The following SOX6 variants were observed in gnomAD, a reference collection of about 807,000 sequenced individuals.
SOX6 encodes SRY-box transcription factor 6, also known as transcription factor SOX-6.
In SOX6, 11 loss-of-function variants were observed where a neutral mutation model predicts 97.8. The observed-to-expected ratio is 0.11, with a 90% CI of 0.07 to 0.19. SOX6 has a LOEUF of 0.19. Among genes scored for constraint, SOX6 ranks in the 10% least tolerant of loss-of-function variants. The pLI, the probability that SOX6 is intolerant of heterozygous loss-of-function variation, is 1.00. For synonymous variants in SOX6, 360 were observed against 371.4 expected, an observed-to-expected ratio of 0.97 and a Z score of 0.35; for missense variants, 810 against 1,039.5, an observed-to-expected ratio of 0.78 and a Z score of 3.04.
At chr11:16,569,084 C>G (rs1344861897) in intron 4 of SOX6, among the ~76,000 whole-genome samples, 1 of 152,178 alleles carries the variant, frequency 6.6e-6, no homozygotes, top group Non-Finnish European at 1.5e-5. Context: ...TTATCTTTCG[C>G]ATCTTGAGTT....
At chr11:16,644,304 T>G (rs1309247966) in intron 3 of SOX6, among the ~76,000 whole-genome samples, 5 of 152,172 alleles carry the variant, frequency 3.3e-5, no homozygotes, top group Non-Finnish European at 7.4e-5. Context: ...CCTCTCAAAG[T>G]GCTGGGATTA....
chr11:16,200,719 C>T (rs1851911835), intron 4 of SOX6, among the ~76,000 whole-genome samples: 1 of 152,126 alleles, frequency 6.6e-6, no homozygotes, highest in Admixed American at 6.5e-5. Flanking sequence ...ATAAAATCTT[C>T]TAAATTACTT....
chr11:16,295,518 T>C (rs1855051110), intron 3 of SOX6, among the ~76,000 whole-genome samples: 1 of 152,022 alleles, frequency 6.6e-6, no homozygotes, highest in Non-Finnish European at 1.5e-5. Context: ...GATATAGTAA[T>C]GGAGGTATAA....
At chr11:16,236,077 T>C (rs1194071145) in intron 3 of SOX6, among the ~76,000 whole-genome samples, 1 of 152,038 alleles carries the variant, frequency 6.6e-6, no homozygotes, top group Non-Finnish European at 1.5e-5. Flanking sequence ...ATTCCCTTAC[T>C]TCTTCCCTCC....
At chr11:16,206,107 C>T (rs1188949365) in intron 4 of SOX6, among the ~76,000 whole-genome samples, 1 of 151,618 alleles carries the variant, frequency 6.6e-6, no homozygotes, top group Non-Finnish European at 1.5e-5. Context: ...TATATACACA[C>T]ATATACACAT....
At chr11:16,510,611 T>C (rs755389774) in intron 4 of SOX6, among the ~76,000 whole-genome samples, 1 of 152,138 alleles carries the variant, frequency 6.6e-6, no homozygotes, top group African/African-American at 2.4e-5. Context: ...GTATAGTATA[T>C]CAATTTACTT....
chr11:16,649,466 T>C (rs1849061516), intron 3 of SOX6, among the ~76,000 whole-genome samples: 1 of 152,166 alleles, frequency 6.6e-6, no homozygotes, highest in South Asian at 2.1e-4. Context: ...GGTCCCACAT[T>C]TAGCCTCCTG....
chr11:16,541,736 G>T (rs1308814291), intron 4 of SOX6, among the ~76,000 whole-genome samples: 1 of 152,202 alleles, frequency 6.6e-6, no homozygotes, highest in Admixed American at 6.6e-5. Flanking sequence ...CTGGTTATCA[G>T]AGAAATACAA....
At chr11:16,588,487 C>T (rs768843949) in intron 4 of SOX6, among the ~76,000 whole-genome samples, 1 of 152,158 alleles carries the variant, frequency 6.6e-6, no homozygotes, top group South Asian at 2.1e-4. Flanking sequence ...CTAAGTGCTG[C>T]CTTACTGTCC....
At chr11:16,125,184 T>C (rs780842773) in intron 6 of SOX6, among the ~76,000 whole-genome samples, 16 of 151,842 alleles carry the variant, frequency 1.1e-4, no homozygotes, top group Non-Finnish European at 1.3e-4. Context: ...GGGAGAAGAG[T>C]CTAGGATATT....
At chr11:16,457,804 T>C (rs984184977) in intron 1 of SOX6, among the ~76,000 whole-genome samples, 1 of 152,036 alleles carries the variant, frequency 6.6e-6, no homozygotes, top group African/African-American at 2.4e-5. Flanking sequence ...GCAGTTTGTT[T>C]AAAAGCCCTT....
intron 13 of SOX6, among the ~76,000 whole-genome samples, chr11:16,013,509 G>T (rs979196746): frequency 6.6e-6 from 1 of 151,836 alleles, no homozygotes; most frequent in African/African-American, 2.4e-5. Context: ...GAAAATAATG[G>T]GCTGTTGATA....
chr11:16,328,450 G>A (rs986442728), intron 2 of SOX6, among the ~76,000 whole-genome samples: 18 of 152,120 alleles, frequency 1.2e-4, no homozygotes, highest in Non-Finnish European at 2.2e-4. Flanking sequence ...CCATGTTAGT[G>A]ATCAATCTTC....
chr11:16,026,711 T>A (rs1855225169), intron 12 of SOX6, among the ~76,000 whole-genome samples: 1 of 152,162 alleles, frequency 6.6e-6, no homozygotes, highest in Admixed American at 6.5e-5. Flanking sequence ...TCAAATGATG[T>A]CACAAATGAG....
At chr11:16,354,069 T>G (rs766544843) in intron 1 of SOX6, among the ~76,000 whole-genome samples, 8 of 152,036 alleles carry the variant, frequency 5.3e-5, no homozygotes, top group Non-Finnish European at 1.0e-4. Flanking sequence ...GAAGGAAAAG[T>G]ACAGTATAAT....
At chr11:16,674,189 CAA>C (rs61516612) in intron 3 of SOX6, among the ~76,000 whole-genome samples, 26 of 76,318 alleles carry the variant, frequency 3.4e-4, no homozygotes, top group Middle Eastern at 0.011. Flanking sequence ...GACTCCATCT[CAA>C]AAAAAAAAAA....
At chr11:16,136,480 C>T (rs576439791) in intron 6 of SOX6, among the ~76,000 whole-genome samples, 21 of 151,686 alleles carry the variant, frequency 1.4e-4, no homozygotes, top group Middle Eastern at 3.4e-3. Context: ...AGCTCACTGC[C>T]ACCTCAAACT....
At chr11:16,258,427 T>G (rs1488544630) in intron 3 of SOX6, among the ~76,000 whole-genome samples, 1 of 151,992 alleles carries the variant, frequency 6.6e-6, no homozygotes, top group Admixed American at 6.6e-5. Context: ...GAAACTTAAA[T>G]GCATTTAAGT....
At chr11:16,352,172 G>A (rs2134360782) in intron 1 of SOX6, among the ~76,000 whole-genome samples, 1 of 152,002 alleles carries the variant, frequency 6.6e-6, no homozygotes, top group Middle Eastern at 3.4e-3. Flanking sequence ...CCCTGGCAAA[G>A]AAAGCCTCCC....
Sources: allele counts gnomAD v4.1 joint callset (sites outside exome capture counted in the v4.1 genomes callset), GRCh38; gene constraint gnomAD v4.1.1; transcripts MANE v1.5; gene names NCBI Gene and HGNC (gene_info 2026-07-23, HGNC 2026-07-21).